GALNTL6: variants seen among roughly 807,000 people sequenced by gnomAD.
The protein encoded by GALNTL6 is polypeptide N-acetylgalactosaminyltransferase like 6.
GALNTL6 carries 46 observed loss-of-function variants against 73.7 expected under a neutral mutation model. That is an observed-to-expected ratio of 0.62 (90% CI 0.49 to 0.80). The LOEUF (loss-of-function observed/expected upper bound fraction) is 0.80, where lower values mean the gene tolerates loss of function less well. Ranked by LOEUF, GALNTL6 falls within the 30% of genes least tolerant of loss-of-function variation. The pLI, the probability that GALNTL6 is intolerant of heterozygous loss-of-function variation, is 0.00. For missense variants in GALNTL6, 604 were observed against 755.0 expected, an observed-to-expected ratio of 0.80 and a Z score of 2.34; for synonymous variants, 259 against 263.7, an observed-to-expected ratio of 0.98 and a Z score of 0.17.
chr4:171,859,238 C>G (rs1039811893), intron 2 of GALNTL6, among the ~76,000 whole-genome samples: 97 of 152,188 alleles, frequency 6.4e-4, no homozygotes, highest in African/African-American at 2.3e-3. Flanking sequence ...ATGCTCTGGG[C>G]CATATTCGAT....
intron 10 of GALNTL6, among the ~76,000 whole-genome samples, chr4:172,965,899 C>T (rs915690271): frequency 6.6e-6 from 1 of 152,140 alleles, no homozygotes; most frequent in African/African-American, 2.4e-5. Flanking sequence ...GAGTCCATGA[C>T]ATTTTAAGTG....
intron 2 of GALNTL6, among the ~76,000 whole-genome samples, chr4:172,172,372 T>C (rs1241174716): frequency 6.6e-6 from 1 of 152,078 alleles, no homozygotes; most frequent in Non-Finnish European, 1.5e-5. Context: ...TAATTTTGTA[T>C]TTTTAGTAGA....
intron 2 of GALNTL6, among the ~76,000 whole-genome samples, chr4:172,053,291 A>G (rs1022014930): frequency 6.6e-6 from 1 of 152,102 alleles, no homozygotes; most frequent in Non-Finnish European, 1.5e-5. Context: ...TTTAAAAAAA[A>G]CACAATAATA....
chr4:171,885,243 G>T (rs1026976332), intron 2 of GALNTL6, among the ~76,000 whole-genome samples: 1 of 151,976 alleles, frequency 6.6e-6, no homozygotes, highest in African/African-American at 2.4e-5. Flanking sequence ...TACCTCTTTA[G>T]GTTCTTATTT....
chr4:172,936,564 C>G (rs1234032087), intron 9 of GALNTL6, among the ~76,000 whole-genome samples: 1 of 152,212 alleles, frequency 6.6e-6, no homozygotes, highest in Non-Finnish European at 1.5e-5. Flanking sequence ...TGATAGGAAA[C>G]TTTAGCAAAG....
At position 173,009,263 on chromosome 4, in the gene GALNTL6, A is replaced by T. The variant is rs1210947040; in HGVS notation, c.1457A>T (p.Asp486Val). 3 of 1,613,782 alleles carry T rather than the reference A, an allele frequency of 1.9e-6. No individual in the cohort carries two copies. The South Asian group carries it at 3.3e-5, about 18-fold the overall frequency. ...TELRLDICVK[D>V]GSERTWSHEQ... is the part of the protein sequence containing the mutation. ...CTGAGGCTGGACATCTGTGTCAAGG[A>T]TGGTTCTGAAAGAACATGGTCTCAT... Residue 486 changes from aspartate (D) to valine (V), a missense_variant, in exon 11 of 13, where the codon GAT (aspartate) becomes GTT (valine). Asp to Val is a radical substitution (Grantham distance 152, BLOSUM62 -3). Transcript: ENST00000506823.
In GALNTL6 at chr4:172,146,178, C is replaced by A. The variant is rs191255356; in HGVS notation, c.139-83478C>A. ...TCTGCTGTTTATCAAGTGTCTAGCT[C>A]AAAATAATCCTTACTCCAAAATGGC... On this transcript the variant is annotated intron_variant, in intron 2 of 12. Transcript: ENST00000506823. 3.0e-3 allele frequency among the ~76,000 whole-genome samples: 456 copies of A among 152,246 alleles called. 2 individuals carry two copies. The highest frequency in any genetic ancestry group is 0.011 in the African/African-American group (445 of 41,558).
chr4:171,865,108 T>G (rs113044971), intron 2 of GALNTL6, among the ~76,000 whole-genome samples: 16 of 151,846 alleles, frequency 1.1e-4, no homozygotes, highest in African/African-American at 3.9e-4. Context: ...ATCACGCCAT[T>G]GCACTCCAGC....
intron 5 of GALNTL6, among the ~76,000 whole-genome samples, chr4:172,591,465 TAGAGCA>T (rs1737633870): frequency 6.6e-6 from 1 of 152,226 alleles, no homozygotes; most frequent in Admixed American, 6.5e-5. Context: ...ACCTATTTAA[TAGAGCA>T]AGACCATAAA....
At chr4:172,362,873 G>A (rs2111242619) in intron 5 of GALNTL6, among the ~76,000 whole-genome samples, 1 of 152,208 alleles carries the variant, frequency 6.6e-6, no homozygotes, top group East Asian at 1.9e-4. Context: ...TACCTCCAAA[G>A]TACTTTGTAG....
At chr4:172,007,110 T>C (rs1740866231) in intron 2 of GALNTL6, among the ~76,000 whole-genome samples, 1 of 152,182 alleles carries the variant, frequency 6.6e-6, no homozygotes, top group African/African-American at 2.4e-5. Flanking sequence ...TTTCACTTTC[T>C]TAAATACAGT....
chr4:172,661,113 T>C (rs928597034), intron 5 of GALNTL6, among the ~76,000 whole-genome samples: 1 of 152,220 alleles, frequency 6.6e-6, no homozygotes, highest in East Asian at 1.9e-4. Flanking sequence ...GTTTTTTAGA[T>C]GAAATTAGCA....
At chr4:171,933,020 A>G (rs886289625) in intron 2 of GALNTL6, among the ~76,000 whole-genome samples, 89 of 152,318 alleles carry the variant, frequency 5.8e-4, no homozygotes, top group African/African-American at 2.0e-3. Context: ...TCATAGACTT[A>G]TGAATTAGAA....
chr4:172,641,120 T>G (rs1183410629), intron 5 of GALNTL6, among the ~76,000 whole-genome samples: 1 of 152,094 alleles, frequency 6.6e-6, no homozygotes, highest in African/African-American at 2.4e-5. Context: ...AATCTGATCC[T>G]TTATCATTCT....
At chr4:172,077,445 T>G (rs1056163123) in intron 2 of GALNTL6, among the ~76,000 whole-genome samples, 1 of 152,150 alleles carries the variant, frequency 6.6e-6, no homozygotes, top group Admixed American at 6.6e-5. Context: ...AAGGTCACTC[T>G]TCCTATGCTA....
At chr4:172,022,128 A>G (rs897075200) in intron 2 of GALNTL6, among the ~76,000 whole-genome samples, 4 of 152,012 alleles carry the variant, frequency 2.6e-5, no homozygotes, top group Non-Finnish European at 5.9e-5. Flanking sequence ...GCAAGGAAAC[A>G]ATCAATAAGG....
In GALNTL6 at chr4:172,351,960, C is replaced by T. The variant is rs75240566; in HGVS notation, c.553+3271C>T. On this transcript the variant is annotated intron_variant, in intron 5 of 12. Coordinates refer to ENST00000506823, the MANE Select transcript of GALNTL6 (RefSeq NM_001034845.3). ...ATATTACTCCCTTATATTTTACATCCTCCAGGTCAATAGAACAGCTATACA... is the reference window on the plus strand; with the variant it reads ...ATATTACTCCCTTATATTTTACATCTTCCAGGTCAATAGAACAGCTATACA... Among the ~76,000 whole-genome samples, 942 of 152,170 alleles carry T rather than the reference C, an allele frequency of 6.2e-3. 7 individuals are homozygous for T. The highest frequency in any genetic ancestry group is 0.021 in the African/African-American group (852 of 41,520).
rs185536188 is a variant in GALNTL6 at position 172,447,612 on chromosome 4, T to A, written c.553+98923T>A. On this transcript the variant is annotated intron_variant, in intron 5 of 12. Coordinates refer to ENST00000506823, the MANE Select transcript of GALNTL6 (RefSeq NM_001034845.3). ...AAATGTAAATGATAGTTTTATGAAG[T>A]AAATGGAGATACTAATGCATTTACG... 8.0e-4 allele frequency among the ~76,000 whole-genome samples: 122 copies of A among 152,278 alleles called. 2 individuals are homozygous for A. The South Asian group carries it at 0.016, about 20-fold the overall frequency.
chr4:171,933,980 G>A (rs1175457858), intron 2 of GALNTL6, among the ~76,000 whole-genome samples: 4 of 152,146 alleles, frequency 2.6e-5, no homozygotes, highest in Middle Eastern at 3.4e-3. Context: ...TAAACACCAC[G>A]GGACTTTTTA....
Sources: allele counts gnomAD v4.1 joint callset (sites outside exome capture counted in the v4.1 genomes callset), GRCh38; gene constraint gnomAD v4.1.1; transcripts MANE v1.5; gene names NCBI Gene and HGNC (gene_info 2026-07-23, HGNC 2026-07-21).